TVP23A: variants seen among roughly 807,000 people sequenced by gnomAD.
TVP23A encodes the protein Golgi apparatus membrane protein TVP23 homolog A.
Under a neutral mutation model 31.7 loss-of-function variants are expected in TVP23A, and 21 were observed. The observed-to-expected ratio is 0.66, with a 90% CI of 0.47 to 0.95. The LOEUF is 0.95. Among genes scored for constraint, TVP23A ranks in the 40% least tolerant of loss-of-function variants. The pLI is 0.00. For synonymous variants in TVP23A, 104 were observed against 96.0 expected, an observed-to-expected ratio of 1.08 and a Z score of -0.49; for missense variants, 279 against 255.6, an observed-to-expected ratio of 1.09 and a Z score of -0.62.
chr16:10,783,876 GAA>G (rs1310114822), intron 2 of TVP23A, among the ~76,000 whole-genome samples: 1 of 152,164 alleles, frequency 6.6e-6, no homozygotes, highest in Non-Finnish European at 1.5e-5. Flanking sequence ...CAACGTTCTG[GAA>G]AAGGCAACAC....
chr16:10,774,901 G>A (rs1272310828), intron 3 of TVP23A, 51 bp downstream of exon 3: 6 of 1,552,988 alleles, frequency 3.9e-6, no homozygotes, highest in East Asian at 4.6e-5. Context: ...ACGCACACAG[G>A]GGACAAGCCT....
intron 2 of TVP23A, among the ~76,000 whole-genome samples, chr16:10,788,959 C>T (rs908627296): frequency 2.0e-4 from 31 of 152,152 alleles, no homozygotes; most frequent in Non-Finnish European, 8.8e-5. Flanking sequence ...TCCTCCTCAG[C>T]GGCCTCTTGT....
At position 10,818,666 on chromosome 16, in the gene TVP23A, C is replaced by T. The variant is rs1012470736; in HGVS notation, c.-173G>A. On this transcript the variant is annotated 5_prime_UTR_variant, in exon 1 of 8. Coordinates refer to ENST00000299866, the MANE Select transcript of TVP23A (RefSeq NM_001079512.4). This position sits in a 1 kb window ranked among gnomAD's most constrained non-coding sequence, Gnocchi z 4.7. ...GCGCAGCTTCTCGGGTGGGGCGGGG[C>T]GCTCGGGGCCTAAGGCGCAGTCGCA... 1.0e-4 allele frequency: 76 copies of T among 725,426 alleles called. No homozygotes were observed. The highest frequency in any genetic ancestry group is 1.4e-4 in the Non-Finnish European group (70 of 484,876). The allele number at this position is 725,426 out of a possible 1,614,324, so 44.9% of individuals were successfully genotyped here.
intron 2 of TVP23A, among the ~76,000 whole-genome samples, chr16:10,788,622 C>T (rs1273006907): frequency 6.6e-6 from 1 of 152,132 alleles, no homozygotes; most frequent in Non-Finnish European, 1.5e-5. Flanking sequence ...TCAGAGGCTG[C>T]AAAGGGCTCA....
rs1024269950 is a variant in TVP23A at position 10,777,522 on chromosome 16, G to T, written c.90-2426C>A. On this transcript the variant is annotated intron_variant, in intron 2 of 7. Transcript: ENST00000299866. This position sits in a 1 kb window ranked among gnomAD's most constrained non-coding sequence, Gnocchi z 4.5. ...ACGGAGTCCGAGTCAACAAACCACA[G>T]GTGCCTCTACAACTGTGGGGCTTCC... Among the ~76,000 whole-genome samples the T allele has an allele frequency of 6.6e-6, 1 of 152,144 alleles. No individual in the cohort carries two copies. The highest frequency in any genetic ancestry group is 2.4e-5 in the African/African-American group (1 of 41,424).
intron 2 of TVP23A, among the ~76,000 whole-genome samples, chr16:10,803,414 G>A (rs2033803551): frequency 6.6e-6 from 1 of 152,204 alleles, no homozygotes; most frequent in African/African-American, 2.4e-5. Flanking sequence ...GGCCAGGTCA[G>A]AGGGCAGTGA....
At chr16:10,783,664 AGAC>A (rs1481313143) in intron 2 of TVP23A, among the ~76,000 whole-genome samples, 2 of 152,180 alleles carry the variant, frequency 1.3e-5, no homozygotes, top group African/African-American at 4.8e-5. Context: ...TGACAGAGTG[AGAC>A]TCTGTCTCAA....
intron 2 of TVP23A, among the ~76,000 whole-genome samples, chr16:10,794,824 C>G (rs2033297855): frequency 1.3e-5 from 2 of 152,096 alleles, no homozygotes. Flanking sequence ...AGCAGCTGCT[C>G]TGAGTGGCAG....
intron 2 of TVP23A, among the ~76,000 whole-genome samples, chr16:10,781,020 G>C (rs1304268151): frequency 6.6e-6 from 1 of 152,034 alleles, no homozygotes; most frequent in African/African-American, 2.4e-5. Context: ...CCCAACCCCA[G>C]CCACATAGAA....
rs539928481 is a variant in TVP23A at position 10,773,386 on chromosome 16, C to T, written c.380G>A (p.Gly127Asp). 9.3e-6 allele frequency: 15 copies of T among 1,611,534 alleles called. No individual in the cohort carries two copies. The highest frequency in any genetic ancestry group is 1.3e-5 in the Non-Finnish European group (15 of 1,179,368). ...TEAEARIFWLGLIICPMIWIV... is the reference protein window; with the variant it reads ...TEAEARIFWLDLIICPMIWIV... Reference sequence around the variant, plus strand: ...CCATATCATGGGGCAGATTATGAGGCCCAGCCAGAAGATTCGTGCTTCAGC... The same window carrying T: ...CCATATCATGGGGCAGATTATGAGGTCCAGCCAGAAGATTCGTGCTTCAGC... Residue 127 changes from glycine to aspartate, a missense_variant, in exon 5 of 8, where the codon GGC (glycine) becomes GAC (aspartate). By Grantham distance (94) the Gly-to-Asp change is moderately conservative (BLOSUM62 -1). Coordinates refer to ENST00000299866, the MANE Select transcript of TVP23A (RefSeq NM_001079512.4).
chr16:10,769,266 A>G, intron 7 of TVP23A, 165 bp from the exon 8 acceptor site: 1 of 615,900 alleles, frequency 1.6e-6, no homozygotes, highest in Non-Finnish European at 2.9e-6. Flanking sequence ...TTAATCATTG[A>G]GTATTTGTAC....
chr16:10,798,727 G>A (rs186586692), intron 2 of TVP23A, among the ~76,000 whole-genome samples: 30 of 152,088 alleles, frequency 2.0e-4, no homozygotes, highest in South Asian at 8.3e-4. Flanking sequence ...GCAATGGTGC[G>A]ATCTTGGCTC....
rs1051818625 is a variant in TVP23A at position 10,768,898 on chromosome 16, A to G, written c.*204T>C. ...TGTGAGGTATTCCGGTCACTTTCAA[A>G]GACTCAGGGCATCACAGACACAGGT... On this transcript the variant is annotated 3_prime_UTR_variant, in exon 8 of 8. Coordinates refer to ENST00000299866, the MANE Select transcript of TVP23A (RefSeq NM_001079512.4). This position sits in a 1 kb window ranked among gnomAD's most constrained non-coding sequence, Gnocchi z 4.3. 4.5e-6 allele frequency: 3 copies of G among 668,458 alleles called. No homozygotes were observed. The highest frequency in any genetic ancestry group is 7.9e-6 in the Non-Finnish European group (3 of 379,244). The allele number at this position is 668,458 out of a possible 1,614,324, so 41.4% of individuals were successfully genotyped here. A position where few individuals can be genotyped will look rare whatever the true frequency, so the allele number is the denominator to read the frequency against.
chr16:10,794,747 G>A (rs750441793), intron 2 of TVP23A, among the ~76,000 whole-genome samples: 2 of 152,130 alleles, frequency 1.3e-5, no homozygotes, highest in Non-Finnish European at 2.9e-5. Flanking sequence ...TAGGTACCTG[G>A]TAGGGGTCTG....
chr16:10,799,771 G>A (rs1240863870), intron 2 of TVP23A, among the ~76,000 whole-genome samples: 1 of 152,174 alleles, frequency 6.6e-6, no homozygotes, highest in East Asian at 1.9e-4. Flanking sequence ...GAGGAGAGTT[G>A]GGGGTGAGTG....
Position 10,775,227 on chromosome 16 carries a change from C to T in TVP23A, c.90-131G>A, listed in dbSNP as rs369135598. Reference sequence around the variant, plus strand: ...GGAATGTTCTCCCCGGTGCATATGACGCAGAAACTCAGGCTGTAGCCCTGG... The same window carrying T: ...GGAATGTTCTCCCCGGTGCATATGATGCAGAAACTCAGGCTGTAGCCCTGG... On this transcript the variant is annotated intron_variant, in intron 2 of 7. Coordinates refer to ENST00000299866, the MANE Select transcript of TVP23A (RefSeq NM_001079512.4). The T allele has an allele frequency of 1.6e-5, 23 of 1,460,298 alleles. No homozygotes were observed. In the South Asian group the frequency reaches 1.7e-4, roughly 11 times the overall value. The allele number at this position is 1,460,298 out of a possible 1,614,324, so 90.5% of individuals were successfully genotyped here. A position where few individuals can be genotyped will look rare whatever the true frequency, so the allele number is the denominator to read the frequency against.
At chr16:10,760,937 T>C (rs927610674), downstream of TVP23A, 2 of 181,702 alleles carry the variant, frequency 1.1e-5, no homozygotes, top group African/African-American at 4.7e-5. Flanking sequence ...AGAGGTTTCA[T>C]TGATTCACAG....
At chr16:10,799,937 G>T (rs1206920805) in intron 2 of TVP23A, among the ~76,000 whole-genome samples, 2 of 151,978 alleles carry the variant, frequency 1.3e-5, no homozygotes, top group Non-Finnish European at 2.9e-5. Context: ...TGAAAAGAGG[G>T]AGTGGCTCAC....
At chr16:10,809,176 CT>C (rs2034080152) in intron 2 of TVP23A, among the ~76,000 whole-genome samples, 1 of 152,220 alleles carries the variant, frequency 6.6e-6, no homozygotes, top group African/African-American at 2.4e-5. Context: ...ATTTAATCAT[CT>C]TTTTACAACC....
Sources: gnomAD v4.1 joint callset for allele counts (sites outside exome capture counted in the v4.1 genomes callset) on GRCh38, gnomAD v4.1.1 for gene constraint, Gnocchi (gnomAD v3.1) non-coding constraint, MANE v1.5 for transcripts, NCBI Gene and HGNC (gene_info 2026-07-23, HGNC 2026-07-21) for gene names.